Variants in FRMPD4 observed in about 807,000 individuals in gnomAD.
FRMPD4 encodes the protein FERM and PDZ domain containing 4, also known as FERM and PDZ domain-containing protein 4.
A neutral mutation model predicts 94.1 loss-of-function variants in FRMPD4; 22 were observed. The observed-to-expected ratio is 0.23, with a 90% CI of 0.17 to 0.33. The LOEUF (loss-of-function observed/expected upper bound fraction) is 0.33, where lower values mean the gene tolerates loss of function less well. FRMPD4 is among the 10% of genes least tolerant of loss of function. FRMPD4 has a pLI of 1.00. For synonymous variants in FRMPD4, 631 were observed against 548.6 expected (o/e 1.15, Z -2.10); for missense variants, 1,111 against 1,339.9 (o/e 0.83, Z 2.67).
chrX:12,681,696 T>C (rs905045278), intron 5 of FRMPD4, among the ~76,000 whole-genome samples: 10 of 104,027 alleles, frequency 9.6e-5, no homozygotes, highest in African/African-American at 3.5e-4. Flanking sequence ...CCATCCAGGA[T>C]ACACACACAC....
chrX:12,018,561 G>A (rs2054616255), intron 3 of FRMPD4, among the ~76,000 whole-genome samples: 1 of 110,267 alleles, frequency 9.1e-6, no homozygotes, highest in South Asian at 3.9e-4. Flanking sequence ...GATTATAGGT[G>A]CCCACTACCA....
intron 1 of FRMPD4, among the ~76,000 whole-genome samples, chrX:12,161,618 A>G (rs1284209540): frequency 1.8e-5 from 2 of 112,029 alleles, no homozygotes; most frequent in Non-Finnish European, 3.8e-5. Flanking sequence ...AGGAAGAAGC[A>G]GAGTTAGGAT....
At chrX:11,984,375 T>C (rs1049847006) in intron 3 of FRMPD4, among the ~76,000 whole-genome samples, 84 of 112,469 alleles carry the variant, frequency 7.5e-4, no homozygotes, top group African/African-American at 2.6e-3. Flanking sequence ...ATTGCTTTGA[T>C]TGTACTGTGT....
At chrX:12,432,255 C>A (rs1035014062) in intron 1 of FRMPD4, among the ~76,000 whole-genome samples, 4 of 112,438 alleles carry the variant, frequency 3.6e-5, no homozygotes, top group African/African-American at 1.3e-4. Context: ...ACCTGCTAAA[C>A]TCCTTATCCT....
chrX:11,869,962 C>T (rs1476941079), intron 2 of FRMPD4, among the ~76,000 whole-genome samples: 1 of 111,563 alleles, frequency 9.0e-6, no homozygotes, highest in Middle Eastern at 4.2e-3. Context: ...ATTGACTGCA[C>T]CCCATATCAT....
chrX:12,294,749 A>G (rs2054745482), intron 1 of FRMPD4, among the ~76,000 whole-genome samples: 1 of 110,561 alleles, frequency 9.0e-6, no homozygotes, highest in Non-Finnish European at 1.9e-5. Flanking sequence ...CTATATCCCC[A>G]CTCCCTAGTG....
chrX:11,826,823 T>C (rs2053445689), intron 1 of FRMPD4, among the ~76,000 whole-genome samples: 2 of 110,251 alleles, frequency 1.8e-5, no homozygotes, highest in Admixed American at 9.8e-5. Context: ...AGAAGAGCAG[T>C]TGCTGACCTC....
At chrX:12,697,237 A>T (rs2060142381) in intron 9 of FRMPD4, among the ~76,000 whole-genome samples, 1 of 111,951 alleles carries the variant, frequency 8.9e-6, no homozygotes, top group Admixed American at 9.5e-5. Context: ...TGTCAACAAT[A>T]TCTCCTTGTC....
intron 3 of FRMPD4, among the ~76,000 whole-genome samples, chrX:12,097,714 A>G (rs959558031): frequency 8.9e-6 from 1 of 112,214 alleles, no homozygotes; most frequent in African/African-American, 3.2e-5. Context: ...TGAGCATAAC[A>G]TTTTCAAGGT....
rs371081134 is a variant in FRMPD4 at position 12,545,673 on chromosome X, A to G, written c.158+46877A>G. On this transcript the variant is annotated intron_variant, in intron 2 of 16. Transcript: ENST00000675598. ...GAGACTGCAGACTGGTTACATCTACAGCTTCCCATATTTTGGCTTATTTTA... is the reference window on the plus strand; with the variant it reads ...GAGACTGCAGACTGGTTACATCTACGGCTTCCCATATTTTGGCTTATTTTA... 4.0e-4 allele frequency among the ~76,000 whole-genome samples: 45 copies of G among 113,125 alleles called. 1 individual carries two copies. In the South Asian group the frequency reaches 0.016, roughly 40 times the overall value.
chrX:12,204,007 T>C (rs1305289371), intron 1 of FRMPD4, among the ~76,000 whole-genome samples: 5 of 112,674 alleles, frequency 4.4e-5, no homozygotes, highest in Non-Finnish European at 9.4e-5. Flanking sequence ...TTTGTTCTTA[T>C]ACAAAAACAT....
At chrX:12,026,982 C>T (rs189177726) in intron 3 of FRMPD4, among the ~76,000 whole-genome samples, 6 of 111,751 alleles carry the variant, frequency 5.4e-5, no homozygotes, top group African/African-American at 1.6e-4. Context: ...TGTTCACTCT[C>T]CCATATAGTA....
intron 3 of FRMPD4, among the ~76,000 whole-genome samples, chrX:11,993,577 A>C (rs2054477657): frequency 8.9e-6 from 1 of 112,265 alleles, no homozygotes; most frequent in Admixed American, 9.4e-5. Flanking sequence ...GTACAAAAAC[A>C]AAAACAAAAA....
chrX:12,019,665 A>G lies in FRMPD4; in HGVS notation c.95+141647A>G, dbSNP rs182185898. On this transcript the variant is annotated intron_variant, in intron 3 of 18. Transcript: ENST00000640291. ...TTTTTTTTTTTTAATCACTTGCCCC[A>G]TAATGTCCTCCCTGTATGTGTGCCT... 7.0e-3 allele frequency among the ~76,000 whole-genome samples: 760 copies of G among 108,659 alleles called. 7 individuals are homozygous for G. Among genetic ancestry groups the G allele is most frequent in the African/African-American group, 0.024 (703 of 29,696 alleles). The allele number at this position is 108,659 out of a possible 115,157, so 94.4% of individuals were successfully genotyped here. A position where few individuals can be genotyped will look rare whatever the true frequency, so the allele number is the denominator to read the frequency against.
chrX:11,929,120 G>T (rs2054105676), intron 3 of FRMPD4, among the ~76,000 whole-genome samples: 1 of 112,168 alleles, frequency 8.9e-6, no homozygotes, highest in Admixed American at 9.4e-5. Flanking sequence ...AGCGTGGGAG[G>T]AAGGAGAGGA....
chrX:12,465,663 CA>C (rs2057441688), intron 1 of FRMPD4, among the ~76,000 whole-genome samples: 1 of 111,718 alleles, frequency 9.0e-6, no homozygotes, highest in African/African-American at 3.2e-5. Context: ...ATTTAAAGAT[CA>C]GGGTTTTAAT....
Position 11,822,697 on chromosome X carries a change from G to C in FRMPD4, c.-179G>C, listed in dbSNP as rs1383036477. 2.7e-5 allele frequency among the ~76,000 whole-genome samples: 3 copies of C among 112,343 alleles called. No individual in the cohort carries two copies. In the East Asian group the frequency reaches 8.4e-4, roughly 32 times the overall value. On this transcript the variant is annotated 5_prime_UTR_variant, in exon 1 of 19. Transcript: ENST00000640291. Reference sequence around the variant, plus strand: ...TGGCCAGGGCAGAGGCCAAGGTCTTGACAGAGGCCACTGACGAGGTGAGTG... The same window carrying C: ...TGGCCAGGGCAGAGGCCAAGGTCTTCACAGAGGCCACTGACGAGGTGAGTG...
intron 1 of FRMPD4, among the ~76,000 whole-genome samples, chrX:11,847,964 A>C (rs1601801795): frequency 9.5e-6 from 1 of 105,293 alleles, no homozygotes; most frequent in East Asian, 3.1e-4. Context: ...GCACACCAGC[A>C]TGGCACATGT....
chrX:12,427,821 G>T lies in FRMPD4; in HGVS notation c.42-70859G>T, dbSNP rs780616536. On this transcript the variant is annotated intron_variant, in intron 1 of 16. Transcript: ENST00000675598. ...AAAATAACGCATAAGTCACTTTTTT[G>T]ATTCATCCGATTTTAGACAGTATCG... Among the ~76,000 whole-genome samples the T allele has an allele frequency of 3.8e-5, 4 of 104,903 alleles. No individual in the cohort carries two copies. The Admixed American group carries it at 4.1e-4, about 11-fold the overall frequency. The allele number at this position is 104,903 out of a possible 115,157, so 91.1% of individuals were successfully genotyped here.
Sources: gnomAD v4.1 joint callset for allele counts (sites outside exome capture counted in the v4.1 genomes callset) on GRCh38, gnomAD v4.1.1 for gene constraint, MANE v1.5 for transcripts, NCBI Gene and HGNC (gene_info 2026-07-23, HGNC 2026-07-21) for gene names.